The following FREM1 variants were observed in gnomAD, a reference collection of about 807,000 sequenced individuals.
FREM1 encodes the protein FRAS1-related extracellular matrix protein 1.
In FREM1, 220 loss-of-function variants were observed where a neutral mutation model predicts 210.1. The observed-to-expected ratio is 1.05, with a 90% CI of 0.94 to 1.17. The LOEUF (loss-of-function observed/expected upper bound fraction) is 1.17. FREM1 is among the 50% of genes most tolerant of loss of function. FREM1 has a pLI of 0.00. For missense variants in FREM1, 3,454 were observed against 2,675.5 expected, an observed-to-expected ratio of 1.29 and a Z score of -6.42; for synonymous variants, 1,189 against 980.2, an observed-to-expected ratio of 1.21 and a Z score of -3.98.
intron 35 of FREM1, among the ~76,000 whole-genome samples, chr9:14,746,005 G>A (rs1842354002): frequency 2.0e-5 from 2 of 98,202 alleles, no homozygotes; most frequent in Admixed American, 9.2e-5. Flanking sequence ...TGCTGACTCA[G>A]AAAATCTTCT....
rs2990586 is a variant in FREM1, at chr9:14,830,639, T to A, written c.1882-5647A>T. 6.6e-4 allele frequency among the ~76,000 whole-genome samples: 101 copies of A among 152,158 alleles called. 1 individual carries two copies. The highest frequency in any genetic ancestry group is 2.1e-3 in the African/African-American group (86 of 41,496). Reference sequence around the variant, plus strand: ...CCTCCTCCTCTTTCGGCTTTGGAGCTCCCCCCGCTCTGTTTCTGTATGGGG... The same window carrying A: ...CCTCCTCCTCTTTCGGCTTTGGAGCACCCCCCGCTCTGTTTCTGTATGGGG... On this transcript the variant is annotated intron_variant, in intron 10 of 36. Transcript: ENST00000380880.
At chr9:14,851,700 G>A in intron 5 of FREM1, 93 bp from the exon 6 acceptor site, 1 of 1,058,656 alleles carries the variant, frequency 9.4e-7, no homozygotes, top group Non-Finnish European at 1.5e-6. Flanking sequence ...TACAGCCACA[G>A]CCTAGCGTCT....
chr9:14,757,614 G>A (rs1000714420), intron 28 of FREM1, among the ~76,000 whole-genome samples: 2 of 152,138 alleles, frequency 1.3e-5, no homozygotes, highest in Non-Finnish European at 2.9e-5. Context: ...AATGAGAACC[G>A]TGTGCAAGCA....
At chr9:14,773,189 C>A (rs1202560837) in intron 25 of FREM1, among the ~76,000 whole-genome samples, 3 of 152,262 alleles carry the variant, frequency 2.0e-5, no homozygotes, top group South Asian at 4.1e-4. Flanking sequence ...ATTTTTCTCG[C>A]TCACCTGACC....
chr9:14,809,995 T>C (rs1819109186), intron 16 of FREM1, among the ~76,000 whole-genome samples: 1 of 152,126 alleles, frequency 6.6e-6, no homozygotes, highest in Non-Finnish European at 1.5e-5. Context: ...GGCCTGATCG[T>C]GTGCAAGGTG....
At chr9:14,822,136 C>T (rs918987315) in intron 13 of FREM1, among the ~76,000 whole-genome samples, 1 of 152,204 alleles carries the variant, frequency 6.6e-6, no homozygotes. Context: ...CGTGACTTTG[C>T]TCCTCATCCC....
At position 14,824,022 on chromosome 9, in the gene FREM1, T is replaced by C; in HGVS notation, c.2169+3A>G. 6.4e-7 allele frequency: 1 copy of C among 1,571,708 alleles called. No homozygotes were observed. The highest frequency in any genetic ancestry group is 1.2e-5 in the South Asian group (1 of 86,134). ...TTGTCAGCATTTTAGCATATCCTCATACCTGAGTGAATGACCTCAGCTCCA... is the reference window on the plus strand; with the variant it reads ...TTGTCAGCATTTTAGCATATCCTCACACCTGAGTGAATGACCTCAGCTCCA... On this transcript the variant is annotated splice_donor_region_variant and intron_variant, in intron 12 of 36. Coordinates refer to ENST00000380880, the MANE Select transcript of FREM1 (RefSeq NM_001379081.2).
intron 1 of FREM1, among the ~76,000 whole-genome samples, chr9:14,873,183 T>C (rs1265538613): frequency 6.6e-6 from 1 of 152,108 alleles, no homozygotes; most frequent in Non-Finnish European, 1.5e-5. Flanking sequence ...GCTGGCCTCA[T>C]AAAATGAGTT....
intron 25 of FREM1, chr9:14,773,992 G>A (rs946120765): frequency 8.6e-6 from 4 of 466,646 alleles, no homozygotes; most frequent in Non-Finnish European, 8.4e-6. Flanking sequence ...GACTGAAAAG[G>A]GAAAGTGACT....
chr9:14,762,193 G>C (rs968680224), intron 27 of FREM1, among the ~76,000 whole-genome samples: 1 of 149,290 alleles, frequency 6.7e-6, no homozygotes, highest in African/African-American at 2.5e-5. Context: ...GAATGAGAAA[G>C]AAAAAAAAAG....
intron 14 of FREM1, 137 bp from the exon 15 acceptor site, chr9:14,817,008 A>C (rs553817598): frequency 7.5e-6 from 3 of 400,852 alleles, no homozygotes; most frequent in East Asian, 7.1e-5. Context: ...AACAACAAAA[A>C]CCCAGCATAA....
chr9:14,748,593 T>C lies in FREM1; in HGVS notation c.5604A>G (p.Thr1868=), dbSNP rs750784567. 3.1e-6 allele frequency: 5 copies of C among 1,613,820 alleles called. No individual in the cohort carries two copies. Among genetic ancestry groups the C allele is most frequent in the South Asian group, 2.2e-5 (2 of 91,052 alleles). ...GCAGATGCCAAATGCCCTTCTCCCA[T>C]GTGCTGTGCTTGCTTTGGTTGGAGG... is the stretch of plus-strand genomic sequence containing the variant. ...SYSSNQSKHS[T]WEKGIWHLLP... Residue 1868 remains threonine (T), a synonymous_variant, in exon 31 of 37, where the codon ACA becomes ACG. Coordinates refer to ENST00000380880, the MANE Select transcript of FREM1 (RefSeq NM_001379081.2).
At chr9:14,771,807 T>A (rs1256937746) in intron 25 of FREM1, among the ~76,000 whole-genome samples, 1 of 152,152 alleles carries the variant, frequency 6.6e-6, no homozygotes, top group East Asian at 1.9e-4. Flanking sequence ...CTGTAGCTAT[T>A]CAAAAGAATA....
intron 2 of FREM1, among the ~76,000 whole-genome samples, 175 bp downstream of exon 2, chr9:14,868,569 C>A (rs1158581630): frequency 6.6e-6 from 1 of 152,180 alleles, no homozygotes; most frequent in East Asian, 1.9e-4. Flanking sequence ...AGAAAAGCAG[C>A]GCAATACTAT....
At chr9:14,826,706 G>A (rs962803149) in intron 10 of FREM1, among the ~76,000 whole-genome samples, 2 of 152,162 alleles carry the variant, frequency 1.3e-5, no homozygotes, top group Non-Finnish European at 2.9e-5. Flanking sequence ...GGACCATGAG[G>A]TTGAATTCAT....
chr9:14,863,198 G>C (rs547401882), intron 3 of FREM1, among the ~76,000 whole-genome samples: 1 of 151,716 alleles, frequency 6.6e-6, no homozygotes, highest in Non-Finnish European at 1.5e-5. Flanking sequence ...CAAATTAGCC[G>C]GGCGTAGTGG....
chr9:14,811,191 A>G (rs537765277), intron 16 of FREM1, among the ~76,000 whole-genome samples: 2 of 152,284 alleles, frequency 1.3e-5, no homozygotes, highest in East Asian at 3.9e-4. Flanking sequence ...TAGTAACATA[A>G]CCAAAAGCCG....
chr9:14,789,426 G>C (rs914942862), intron 22 of FREM1, among the ~76,000 whole-genome samples: 1 of 152,168 alleles, frequency 6.6e-6, no homozygotes. Context: ...CAATTAATAA[G>C]AGGAGGTGGG....
intron 29 of FREM1, among the ~76,000 whole-genome samples, chr9:14,753,449 C>A (rs994136394): frequency 6.6e-6 from 1 of 152,122 alleles, no homozygotes; most frequent in Non-Finnish European, 1.5e-5. Context: ...TTTTTATATC[C>A]ACTCAAGACT....
Sources: allele counts gnomAD v4.1 joint callset (sites outside exome capture counted in the v4.1 genomes callset), GRCh38; gene constraint gnomAD v4.1.1; transcripts MANE v1.5; gene names NCBI Gene and HGNC (gene_info 2026-07-23, HGNC 2026-07-21).